Variants in TBC1D22A observed in about 807,000 individuals in gnomAD.
TBC1D22A encodes the protein putative GTPase activator.
In TBC1D22A, 38 loss-of-function variants were observed where a neutral mutation model predicts 60.2. That is an observed-to-expected ratio of 0.63 (90% CI 0.49 to 0.83). TBC1D22A has a LOEUF of 0.83. Among genes scored for constraint, TBC1D22A ranks in the 40% least tolerant of loss-of-function variants. The pLI is 0.00. For missense variants in TBC1D22A, 628 were observed against 701.0 expected, an observed-to-expected ratio of 0.90 and a Z score of 1.18; for synonymous variants, 302 against 281.7, an observed-to-expected ratio of 1.07 and a Z score of -0.72.
In TBC1D22A at chr22:46,791,946, A is replaced by G. The variant is rs1342263442; in HGVS notation, c.63-574A>G. On this transcript the variant is annotated intron_variant, in intron 1 of 12. Coordinates refer to ENST00000337137, the MANE Select transcript of TBC1D22A (RefSeq NM_014346.5). ...CAGCTAATTTTTGTATTTTTAGTAG[A>G]GACAGGGTTTCACCATGTTTGCCAG... Among the ~76,000 whole-genome samples, 14 of 152,230 alleles carry G rather than the reference A, an allele frequency of 9.2e-5. No homozygotes were observed. The East Asian group carries it at 2.5e-3, about 27-fold the overall frequency.
chr22:47,141,156 A>T (rs1159386990), intron 12 of TBC1D22A, among the ~76,000 whole-genome samples: 1 of 152,180 alleles, frequency 6.6e-6, no homozygotes, highest in East Asian at 1.9e-4. Context: ...ACTGCCCTTT[A>T]TAAAACCATC....
At chr22:46,817,974 A>G (rs1242718757) in intron 4 of TBC1D22A, among the ~76,000 whole-genome samples, 2 of 152,126 alleles carry the variant, frequency 1.3e-5, no homozygotes, top group Non-Finnish European at 1.5e-5. Flanking sequence ...ATGGTGTCTC[A>G]TTGTGGTTTT....
At chr22:47,082,611 A>G (rs1333831464) in intron 11 of TBC1D22A, among the ~76,000 whole-genome samples, 1 of 152,268 alleles carries the variant, frequency 6.6e-6, no homozygotes, top group Non-Finnish European at 1.5e-5. Flanking sequence ...CTGATGGCCA[A>G]CAAACACTTG....
intron 4 of TBC1D22A, among the ~76,000 whole-genome samples, chr22:46,843,068 T>A (rs1441385171): frequency 3.9e-5 from 6 of 152,110 alleles, no homozygotes; most frequent in African/African-American, 1.4e-4. Flanking sequence ...GGAAATGGAT[T>A]TAGTTCCATG....
intron 4 of TBC1D22A, among the ~76,000 whole-genome samples, chr22:46,842,654 A>G (rs2086820563): frequency 6.6e-6 from 1 of 152,282 alleles, no homozygotes. Context: ...TAACAAATGC[A>G]TGACCTGTGC....
At chr22:46,790,598 C>CA (rs2084363519) in intron 1 of TBC1D22A, among the ~76,000 whole-genome samples, 1 of 151,644 alleles carries the variant, frequency 6.6e-6, no homozygotes, top group Admixed American at 6.6e-5. Context: ...AGAAAATGGA[C>CA]AAAGGGTATG....
intron 7 of TBC1D22A, among the ~76,000 whole-genome samples, chr22:46,909,854 T>C (rs893339436): frequency 2.0e-5 from 3 of 152,186 alleles, no homozygotes; most frequent in African/African-American, 7.2e-5. Flanking sequence ...CTTCACGCCC[T>C]AGGGGCTCGG....
chr22:46,780,723 A>G (rs562565645), intron 1 of TBC1D22A, among the ~76,000 whole-genome samples: 2 of 152,166 alleles, frequency 1.3e-5, no homozygotes, highest in Non-Finnish European at 2.9e-5. Context: ...GTTCACTGTC[A>G]GCTTTCCAGG....
intron 12 of TBC1D22A, among the ~76,000 whole-genome samples, chr22:47,138,634 G>T (rs914657540): frequency 3.3e-5 from 5 of 152,254 alleles, no homozygotes; most frequent in Non-Finnish European, 7.3e-5. Flanking sequence ...CCAAATCTGC[G>T]TGCTTTGCAA....
At chr22:47,059,814 T>C (rs1173308963) in intron 11 of TBC1D22A, among the ~76,000 whole-genome samples, 1 of 152,208 alleles carries the variant, frequency 6.6e-6, no homozygotes, top group South Asian at 2.1e-4. Context: ...ATCTTATGAT[T>C]ATTACTAAAG....
At chr22:46,854,201 A>T (rs150580286) in intron 4 of TBC1D22A, among the ~76,000 whole-genome samples, 100 of 152,258 alleles carry the variant, frequency 6.6e-4, no homozygotes, top group African/African-American at 2.1e-3. Context: ...GCCCTGTCAG[A>T]AATGTGTCAC....
chr22:46,944,429 T>C (rs530650868), intron 8 of TBC1D22A, among the ~76,000 whole-genome samples: 9 of 152,352 alleles, frequency 5.9e-5, no homozygotes, highest in Admixed American at 1.3e-4. Flanking sequence ...GACGGAGTCT[T>C]GCTCCGTCTC....
At chr22:46,772,098 C>A (rs2083501341) in intron 1 of TBC1D22A, among the ~76,000 whole-genome samples, 1 of 132,260 alleles carries the variant, frequency 7.6e-6, no homozygotes, top group Non-Finnish European at 1.6e-5. Context: ...TGTATACACA[C>A]ATATACATAT....
intron 1 of TBC1D22A, among the ~76,000 whole-genome samples, chr22:46,769,093 C>CAAAAAAA (rs61105868): frequency 6.9e-5 from 5 of 72,614 alleles, no homozygotes; most frequent in African/African-American, 1.1e-4. Context: ...GACTCTGTCT[C>CAAAAAAA]AAAAAAAAAA....
At chr22:46,862,155 A>G (rs886808454) in intron 4 of TBC1D22A, among the ~76,000 whole-genome samples, 15 of 152,262 alleles carry the variant, frequency 9.9e-5, no homozygotes, top group Admixed American at 5.9e-4. Context: ...TTAATGAGTG[A>G]GTGTGAAGAT....
intron 12 of TBC1D22A, among the ~76,000 whole-genome samples, chr22:47,118,343 T>G (rs1479167798): frequency 6.6e-6 from 1 of 152,166 alleles, no homozygotes; most frequent in Non-Finnish European, 1.5e-5. Flanking sequence ...CATAATACTT[T>G]AAAATTAGAT....
intron 4 of TBC1D22A, among the ~76,000 whole-genome samples, chr22:46,847,900 A>C (rs2087075928): frequency 6.6e-6 from 1 of 151,776 alleles, no homozygotes; most frequent in Non-Finnish European, 1.5e-5. Flanking sequence ...CTAGAGAAAT[A>C]GTCAAGGTAC....
chr22:46,937,215 T>C (rs136057), intron 8 of TBC1D22A, among the ~76,000 whole-genome samples: 32,314 of 152,256 alleles, frequency 0.21, 4,055 homozygotes, highest in Non-Finnish European at 0.28. Context: ...GAAAATCTTA[T>C]TTTTAAAAAA....
intron 4 of TBC1D22A, among the ~76,000 whole-genome samples, chr22:46,837,788 G>T (rs1243359846): frequency 6.6e-6 from 1 of 152,224 alleles, no homozygotes; most frequent in African/African-American, 2.4e-5. Context: ...TGCAGGCAGG[G>T]CTCAGTGGCT....
Sources: gnomAD v4.1 joint callset for allele counts (sites outside exome capture counted in the v4.1 genomes callset) on GRCh38, gnomAD v4.1.1 for gene constraint, MANE v1.5 for transcripts, NCBI Gene and HGNC (gene_info 2026-07-23, HGNC 2026-07-21) for gene names.